The following TYR variants were observed in gnomAD, a reference collection of about 807,000 sequenced individuals.
TYR encodes tyrosinase, also known as LB24-AB.
A neutral mutation model predicts 51.5 loss-of-function variants in TYR; 58 were observed. The observed-to-expected ratio is 1.13, with a 90% CI of 0.91 to 1.40. The LOEUF is 1.40. Among genes scored for constraint, TYR ranks in the 40% most tolerant of loss-of-function variants. The pLI is 0.00. For missense variants in TYR, 732 were observed against 647.4 expected (o/e 1.13, Z -1.42); for synonymous variants, 263 against 235.2 (o/e 1.12, Z -1.08).
rs1234848945 is a variant in TYR at position 89,178,447 on chromosome 11, C to G, written c.494C>G (p.Pro165Arg). 2.5e-6 allele frequency: 4 copies of G among 1,614,122 alleles called. No homozygotes were observed. Among genetic ancestry groups the G allele is most frequent in the Admixed American group, 1.7e-5 (1 of 60,026 alleles). The change falls in exon 1 of 5, where the codon CCC (proline) becomes CGC (arginine). Residue 165 changes from proline (P) to arginine (R), a missense_variant. Coordinates refer to ENST00000263321, the MANE Select transcript of TYR (RefSeq NM_000372.5). The stretch of plus-strand genomic sequence containing the variant: ...GGCCAAATGAAAAATGGATCAACAC[C>G]CATGTTTAACGACATCAATATTTAT... ...TYGQMKNGSTPMFNDINIYDL... is the reference protein window; with the variant it reads ...TYGQMKNGSTRMFNDINIYDL...
intron 2 of TYR, among the ~76,000 whole-genome samples, chr11:89,220,563 T>C (rs886750895): frequency 3.3e-5 from 5 of 152,132 alleles, no homozygotes; most frequent in Admixed American, 6.5e-5. Flanking sequence ...TTTCAACACC[T>C]GAAAGTTGGT....
chr11:89,222,129 T>A (rs1435422852), intron 2 of TYR, among the ~76,000 whole-genome samples: 1 of 152,210 alleles, frequency 6.6e-6, no homozygotes, highest in Admixed American at 6.5e-5. Flanking sequence ...GAAGGATTTT[T>A]GGACTGTCAG....
chr11:89,186,773 T>A (rs935157862), intron 1 of TYR, among the ~76,000 whole-genome samples: 3 of 152,124 alleles, frequency 2.0e-5, no homozygotes, highest in African/African-American at 7.2e-5. Context: ...GTGTGACTAT[T>A]TGGAGGTAGG....
chr11:89,255,358 TG>T (rs1944377754), intron 3 of TYR, among the ~76,000 whole-genome samples: 1 of 151,682 alleles, frequency 6.6e-6, no homozygotes, highest in Non-Finnish European at 1.5e-5. Flanking sequence ...TTAAATCCAT[TG>T]TTTTTTCATT....
chr11:89,212,614 G>A (rs892031557), intron 2 of TYR, among the ~76,000 whole-genome samples: 1 of 152,092 alleles, frequency 6.6e-6, no homozygotes, highest in Admixed American at 6.6e-5. Flanking sequence ...TCATACCAAA[G>A]CCTGGCAGAG....
At chr11:89,201,786 A>G (rs1451982188) in intron 2 of TYR, among the ~76,000 whole-genome samples, 4 of 152,224 alleles carry the variant, frequency 2.6e-5, no homozygotes, top group Admixed American at 1.3e-4. Context: ...CAGGGACTTC[A>G]AGGGGTCTGT....
chr11:89,237,369 G>T (rs1392828960), intron 3 of TYR, among the ~76,000 whole-genome samples: 1 of 151,904 alleles, frequency 6.6e-6, no homozygotes, highest in Non-Finnish European at 1.5e-5. Flanking sequence ...ATTTTGATTT[G>T]ATTTTTATAT....
Position 89,295,622 on chromosome 11 carries a change from A to C in TYR, c.*256A>C. The C allele has an allele frequency of 1.3e-5, 6 of 475,090 alleles. No homozygotes were observed. The South Asian group carries it at 1.3e-4, about 11-fold the overall frequency. The allele number at this position is 475,090 out of a possible 1,614,324, so 29.4% of individuals were successfully genotyped here. A position where few individuals can be genotyped will look rare whatever the true frequency, so the allele number is the denominator to read the frequency against. ...AAAGGATGCTATTTGGTAATGAGGA[A>C]CTGTTATTTGTATGTGAATTAAAGT... is the stretch of plus-strand genomic sequence containing the variant. On this transcript the variant is annotated 3_prime_UTR_variant, in exon 5 of 5. Transcript: ENST00000263321.
rs138451565 is a variant in TYR at position 89,274,792 on chromosome 11, T to C, written c.1185-9981T>C. ...GGAAATTGGACTTTCCCCTCTTTTGTGTTCATCTGGCAGGTTCTTCCTACG... is the reference window on the plus strand; with the variant it reads ...GGAAATTGGACTTTCCCCTCTTTTGCGTTCATCTGGCAGGTTCTTCCTACG... On this transcript the variant is annotated intron_variant, in intron 3 of 4. Transcript: ENST00000263321. 4.8e-3 allele frequency among the ~76,000 whole-genome samples: 727 copies of C among 151,922 alleles called. 11 individuals are homozygous for C. Among genetic ancestry groups the C allele is most frequent in the East Asian group, 0.024 (124 of 5,118 alleles).
intron 1 of TYR, among the ~76,000 whole-genome samples, chr11:89,190,526 T>C (rs1943428912): frequency 6.6e-6 from 1 of 152,124 alleles, no homozygotes; most frequent in Non-Finnish European, 1.5e-5. Context: ...TTAAGCTAAG[T>C]GCTATTATCA....
At chr11:89,181,467 T>G (rs778472734) in intron 1 of TYR, among the ~76,000 whole-genome samples, 3 of 152,232 alleles carry the variant, frequency 2.0e-5, no homozygotes, top group Non-Finnish European at 2.9e-5. Context: ...TTAATTTGAA[T>G]GCCTTTGTCC....
intron 2 of TYR, among the ~76,000 whole-genome samples, chr11:89,204,445 G>T (rs1385165521): frequency 6.6e-6 from 1 of 151,500 alleles, no homozygotes; most frequent in Non-Finnish European, 1.5e-5. Context: ...CCAGGCTGGT[G>T]TAAAGTAGCG....
intron 3 of TYR, among the ~76,000 whole-genome samples, chr11:89,282,802 C>G (rs1288902946): frequency 1.3e-5 from 2 of 151,756 alleles, no homozygotes; most frequent in South Asian, 2.1e-4. Flanking sequence ...CTCACATATG[C>G]AAGGCTTTGG....
At chr11:89,203,716 A>T (rs1403274685) in intron 2 of TYR, among the ~76,000 whole-genome samples, 1 of 152,178 alleles carries the variant, frequency 6.6e-6, no homozygotes, top group African/African-American at 2.4e-5. Flanking sequence ...GGAGCTGAAG[A>T]AGCTTGTAAC....
At chr11:89,227,387 A>C (rs1943989374) in intron 2 of TYR, among the ~76,000 whole-genome samples, 1 of 152,216 alleles carries the variant, frequency 6.6e-6, no homozygotes, top group South Asian at 2.1e-4. Context: ...CTCTGGAACC[A>C]GAAACCAAAC....
At chr11:89,190,939 T>A (rs1229251896) in intron 1 of TYR, among the ~76,000 whole-genome samples, 1 of 152,170 alleles carries the variant, frequency 6.6e-6, no homozygotes, top group Non-Finnish European at 1.5e-5. Flanking sequence ...CTAGGAGCAG[T>A]AGGTTTTACC....
In TYR at chr11:89,198,296, A is replaced by C. The variant is rs545361881; in HGVS notation, c.1036+6878A>C. On this transcript the variant is annotated intron_variant, in intron 2 of 4. Transcript: ENST00000263321. ...ACTAATTGTATAAACTAGATAGCCA[A>C]GGAGATAGTTAACATGGAGTGACGC... 7.2e-5 allele frequency among the ~76,000 whole-genome samples: 11 copies of C among 152,304 alleles called. No homozygotes were observed. The East Asian group carries it at 1.5e-3, about 21-fold the overall frequency.
intron 1 of TYR, among the ~76,000 whole-genome samples, chr11:89,185,793 G>A (rs1170274476): frequency 6.6e-6 from 1 of 151,948 alleles, no homozygotes; most frequent in Non-Finnish European, 1.5e-5. Flanking sequence ...TTTAAGTGAT[G>A]CATTCATTTA....
chr11:89,281,519 A>T (rs1944722071), intron 3 of TYR, among the ~76,000 whole-genome samples: 1 of 151,672 alleles, frequency 6.6e-6, no homozygotes, highest in African/African-American at 2.4e-5. Context: ...CTCAGTCTCC[A>T]GCCATTCATC....
Sources: gnomAD v4.1 joint callset for allele counts (sites outside exome capture counted in the v4.1 genomes callset) on GRCh38, gnomAD v4.1.1 for gene constraint, MANE v1.5 for transcripts, NCBI Gene and HGNC (gene_info 2026-07-23, HGNC 2026-07-21) for gene names.